ABCA13: variants seen among roughly 807,000 people sequenced by gnomAD.
The protein encoded by ABCA13 is ATP-binding cassette sub-family A member 13.
In ABCA13, 476 loss-of-function variants were observed where a neutral mutation model predicts 478.7. The observed-to-expected ratio is 0.99, with a 90% CI of 0.92 to 1.07. ABCA13 has a LOEUF of 1.07. ABCA13 is among the 50% of genes least tolerant of loss of function. ABCA13 has a pLI of 0.00. For synonymous variants in ABCA13, 2,252 were observed against 2,158.9 expected (o/e 1.04, Z -1.20); for missense variants, 6,060 against 5,910.6 (o/e 1.03, Z -0.83).
At position 48,466,966 on chromosome 7, in the gene ABCA13, G is replaced by A. The variant is rs765749513; in HGVS notation, c.12826G>A (p.Asp4276Asn). 6 of 1,613,892 alleles carry A rather than the reference G, an allele frequency of 3.7e-6. No individual in the cohort carries two copies. The highest frequency in any genetic ancestry group is 2.2e-5 in the South Asian group (2 of 91,082). Residue 4276 changes from aspartate to asparagine, a missense_variant, in exon 44 of 62, where the codon GAC (aspartate) becomes AAC (asparagine). Around this residue, in one of 3 missense-constraint regions of ABCA13, gnomAD observed 1,627 missense variants for 1,571.0 expected, o/e 1.04. Coordinates refer to ENST00000435803, the MANE Select transcript of ABCA13 (RefSeq NM_152701.5). ...CACAATGAACAGCAGCAGTGGGGGCGACAACTTGGACCTCACCCGTGTGCT... is the reference window on the plus strand; with the variant it reads ...CACAATGAACAGCAGCAGTGGGGGCAACAACTTGGACCTCACCCGTGTGCT... ...AETYFFSSGG[D>N]NLDLTRVLLR...
intron 20 of ABCA13, among the ~76,000 whole-genome samples, chr7:48,293,026 CAAT>C (rs1185145898): frequency 6.6e-6 from 1 of 152,160 alleles, no homozygotes; most frequent in Non-Finnish European, 1.5e-5. Flanking sequence ...AAATGAATGA[CAAT>C]AATAGATGAA....
chr7:48,474,766 C>T (rs2130385295), intron 45 of ABCA13, among the ~76,000 whole-genome samples: 1 of 152,238 alleles, frequency 6.6e-6, no homozygotes, highest in Middle Eastern at 3.4e-3. Flanking sequence ...ATTTTTTACA[C>T]CACGCTCTTA....
At chr7:48,253,314 C>T (rs1470566125) in intron 15 of ABCA13, among the ~76,000 whole-genome samples, 2 of 152,188 alleles carry the variant, frequency 1.3e-5, no homozygotes, top group African/African-American at 4.8e-5. Flanking sequence ...GTCACTTCGG[C>T]AGCCCCTAGG....
intron 43 of ABCA13, among the ~76,000 whole-genome samples, chr7:48,461,093 G>A (rs568820427): frequency 1.3e-5 from 2 of 152,308 alleles, no homozygotes; most frequent in South Asian, 4.1e-4. Flanking sequence ...CAATTGTTTG[G>A]AAGAAATATA....
chr7:48,307,847 AT>A (rs201700312), intron 23 of ABCA13, among the ~76,000 whole-genome samples: 1 of 151,550 alleles, frequency 6.6e-6, no homozygotes, highest in Non-Finnish European at 1.5e-5. Flanking sequence ...TACCCAACTA[AT>A]TTTTTTTGTA....
chr7:48,308,265 C>G (rs1801205878), intron 23 of ABCA13, among the ~76,000 whole-genome samples: 1 of 152,194 alleles, frequency 6.6e-6, no homozygotes, highest in African/African-American at 2.4e-5. Flanking sequence ...GGGGCAATAA[C>G]ATGCGTAGAG....
chr7:48,315,562 C>T (rs1259188937), intron 26 of ABCA13, among the ~76,000 whole-genome samples: 3 of 151,876 alleles, frequency 2.0e-5, no homozygotes, highest in African/African-American at 7.3e-5. Context: ...TCACCACAAG[C>T]TCCGCCTCCC....
intron 3 of ABCA13, among the ~76,000 whole-genome samples, chr7:48,203,555 C>G (rs1436782878): frequency 2.0e-5 from 3 of 152,208 alleles, no homozygotes; most frequent in Non-Finnish European, 2.9e-5. Context: ...TCTGATGTAG[C>G]TTATGGTTAT....
At chr7:48,193,089 C>T in intron 2 of ABCA13, 37 bp downstream of exon 2, 1 of 1,439,158 alleles carries the variant, frequency 6.9e-7, no homozygotes, top group Non-Finnish European at 9.3e-7. Flanking sequence ...TTGAATTAAC[C>T]TTTGGAGAAA....
chr7:48,352,104 G>T, intron 30 of ABCA13, 77 bp from the exon 31 acceptor site: 2 of 1,426,280 alleles, frequency 1.4e-6, no homozygotes. Context: ...AACTTTTCCT[G>T]TCTCACCCAG....
At chr7:48,341,237 G>A (rs1344155407) in intron 29 of ABCA13, among the ~76,000 whole-genome samples, 1 of 152,060 alleles carries the variant, frequency 6.6e-6, no homozygotes, top group Admixed American at 6.5e-5. Flanking sequence ...TCCCAGCTCT[G>A]TGTGCCAACA....
chr7:48,378,386 TA>T (rs1009296752), intron 35 of ABCA13, among the ~76,000 whole-genome samples: 33 of 152,098 alleles, frequency 2.2e-4, no homozygotes, highest in African/African-American at 7.5e-4. Flanking sequence ...CAGAGGAAAT[TA>T]AAAAAAATTG....
intron 15 of ABCA13, among the ~76,000 whole-genome samples, chr7:48,261,007 T>A (rs79050023): frequency 2.6e-5 from 4 of 151,964 alleles, no homozygotes; most frequent in African/African-American, 9.7e-5. Flanking sequence ...CTTTTTTTTT[T>A]ACTCTCAAAT....
At chr7:48,270,984 A>G (rs1795523193) in intron 16 of ABCA13, among the ~76,000 whole-genome samples, 1 of 152,296 alleles carries the variant, frequency 6.6e-6, no homozygotes, top group Non-Finnish European at 1.5e-5. Context: ...GCGTCGCGAG[A>G]TCATTCACAG....
Position 48,276,168 on chromosome 7 carries a change from T to G in ABCA13, c.6502T>G (p.Phe2168Val). The G allele has an allele frequency of 6.3e-7, 1 of 1,596,038 alleles. No individual in the cohort carries two copies. The highest frequency in any genetic ancestry group is 8.5e-7 in the Non-Finnish European group (1 of 1,171,468). ...IALLAKAIAT[F>V]WGSLKNISRA... ...TTTGTTAGCCAAAGCTATTGCTACT[T>G]TTTGGGGCTCTTTAAAAAATATATC... The change falls in exon 17 of 62, where the codon TTT becomes GTT. Residue 2168 changes from phenylalanine to valine, a missense_variant. Physicochemically the swap from Phe to Val is conservative, Grantham distance 50. Coordinates refer to ENST00000435803, the MANE Select transcript of ABCA13 (RefSeq NM_152701.5).
Position 48,335,488 on chromosome 7 carries a change from A to G in ABCA13, c.10066A>G (p.Ser3356Gly). 1 of 1,613,760 alleles carries G rather than the reference A, an allele frequency of 6.2e-7. No individual in the cohort carries two copies. The highest frequency in any genetic ancestry group is 1.3e-5 in the African/African-American group (1 of 75,064). Reference sequence around the variant, plus strand: ...ATCAGAAACACTGCTGGAAATGTCCAGCCTTTTCCAGAGAAGTGGAAGTGG... The same window carrying G: ...ATCAGAAACACTGCTGGAAATGTCCGGCCTTTTCCAGAGAAGTGGAAGTGG... ...TLSETLLEMS[S>G]LFQRSGSGQM... The change falls in exon 28 of 62, where the codon AGC becomes GGC. Residue 3356 changes from serine (S) to glycine (G), a missense_variant. This residue lies in a region of ABCA13 where 4,423 missense variants were observed against 4,309.1 expected (regional missense o/e 1.03). Coordinates refer to ENST00000435803, the MANE Select transcript of ABCA13 (RefSeq NM_152701.5).
chr7:48,391,609 T>A (rs1816060095), intron 37 of ABCA13, among the ~76,000 whole-genome samples: 1 of 152,208 alleles, frequency 6.6e-6, no homozygotes, highest in African/African-American at 2.4e-5. Flanking sequence ...TTAGGTAGGT[T>A]AGATGTAAAT....
chr7:48,606,091 T>C (rs533163152), intron 58 of ABCA13, among the ~76,000 whole-genome samples: 5 of 152,318 alleles, frequency 3.3e-5, no homozygotes, highest in Non-Finnish European at 5.9e-5. Flanking sequence ...TCTACACTGA[T>C]TATTTTAGTT....
rs1186403886 is a variant in ABCA13, at chr7:48,240,915, G to T, written c.1111G>T (p.Gly371Cys). The T allele has an allele frequency of 3.7e-6, 6 of 1,610,270 alleles. No individual in the cohort carries two copies. The Admixed American group carries it at 6.7e-5, about 18-fold the overall frequency. The change falls in exon 10 of 62, where the codon GGC becomes TGC. Residue 371 changes from glycine to cysteine, a missense_variant. Coordinates refer to ENST00000435803, the MANE Select transcript of ABCA13 (RefSeq NM_152701.5). ...QGSLLQKTLT[G>C]MGHSLEALRN... is the part of the protein sequence containing the mutation. Reference sequence around the variant, plus strand: ...TAGCCTGCTTCAGAAGACACTCACAGGCATGGGCCATAGTCTGGAGGCTCT... The same window carrying T: ...TAGCCTGCTTCAGAAGACACTCACATGCATGGGCCATAGTCTGGAGGCTCT...
Sources: gnomAD v4.1 joint callset for allele counts (sites outside exome capture counted in the v4.1 genomes callset) on GRCh38, gnomAD v4.1.1 for gene constraint, gnomAD v4.1.1 regional missense constraint, MANE v1.5 for transcripts, NCBI Gene and HGNC (gene_info 2026-07-23, HGNC 2026-07-21) for gene names.